The following GPR160 variants were observed in gnomAD, a reference collection of about 807,000 sequenced individuals.
GPR160 encodes the protein probable G protein-coupled receptor 160.
In GPR160, 2 loss-of-function variants were observed where a neutral mutation model predicts 2.6. The observed-to-expected ratio is 0.77, with a 90% confidence interval of 0.32 to 2.44. The LOEUF is 2.44. GPR160 is among the 30% of genes most tolerant of loss of function. GPR160 has a pLI of 0.11. For missense variants in GPR160, 351 were observed against 383.6 expected, an observed-to-expected ratio of 0.91 and a Z score of 0.71; for synonymous variants, 130 against 132.2, an observed-to-expected ratio of 0.98 and a Z score of 0.12.
chr3:170,070,984 A>G lies in GPR160; in HGVS notation c.-192-8790A>G, dbSNP rs576402176. Among the ~76,000 whole-genome samples the G allele has an allele frequency of 9.2e-5, 14 of 152,328 alleles. 1 individual carries two copies. Among genetic ancestry groups the G allele is most frequent in the African/African-American group, 3.1e-4 (13 of 41,576 alleles). On this transcript the variant is annotated intron_variant, in intron 2 of 3. Transcript: ENST00000355897. ...CCCAATCCAGATGTAGAACATTTTC[A>G]TCTCTACAGAACATTGCCTGGTTCA...
At chr3:170,050,697 C>G (rs7651554) in intron 2 of GPR160, among the ~76,000 whole-genome samples, 20,823 of 152,164 alleles carry the variant, frequency 0.14, 1,521 homozygotes, top group Middle Eastern at 0.18. Flanking sequence ...TAAGAGGAAT[C>G]TTGGGATATG....
chr3:170,058,862 A>G (rs1023101609), intron 2 of GPR160, among the ~76,000 whole-genome samples: 1 of 152,228 alleles, frequency 6.6e-6, no homozygotes, highest in African/African-American at 2.4e-5. Context: ...TGCAGCCATA[A>G]AAACAATTTT....
At chr3:170,064,306 G>A (rs1712174198) in intron 2 of GPR160, among the ~76,000 whole-genome samples, 1 of 152,154 alleles carries the variant, frequency 6.6e-6, no homozygotes, top group African/African-American at 2.4e-5. Context: ...TCGCAGCCAT[G>A]AGCTGGCGGG....
chr3:170,048,116 A>G (rs998177958), intron 2 of GPR160, among the ~76,000 whole-genome samples: 11 of 152,242 alleles, frequency 7.2e-5, no homozygotes, highest in African/African-American at 2.4e-4. Context: ...GGCGTGAGCC[A>G]CCATGCCCAT....
intron 3 of GPR160, chr3:170,083,648 A>T (rs1437975179): frequency 5.6e-6 from 1 of 178,290 alleles, no homozygotes; most frequent in Admixed American, 6.2e-5. Context: ...CTGTACTTAT[A>T]TATAGAAGTT....
intron 2 of GPR160, among the ~76,000 whole-genome samples, chr3:170,061,767 T>C (rs998725753): frequency 6.6e-6 from 1 of 152,156 alleles, no homozygotes; most frequent in African/African-American, 2.4e-5. Flanking sequence ...GCTTGTTCCA[T>C]ATTATAATTA....
At chr3:170,082,699 G>A (rs184390918) in intron 3 of GPR160, among the ~76,000 whole-genome samples, 68 of 152,064 alleles carry the variant, frequency 4.5e-4, no homozygotes, top group Non-Finnish European at 7.6e-4. Flanking sequence ...AGGCTCAAGC[G>A]ATCCTCTCAC....
chr3:170,077,299 T>A (rs980523807), intron 2 of GPR160: 1 of 152,126 alleles, frequency 6.6e-6, no homozygotes, highest in African/African-American at 2.4e-5. Context: ...CAACTGATTA[T>A]AAAAACACTT....
Position 170,084,287 on chromosome 3 carries a change from T to A in GPR160, c.315T>A (p.Tyr105Ter). Residue 105 changes from tyrosine to a stop codon, truncating the protein, a stop_gained, in exon 4 of 4, where the codon TAT becomes TAA. Coordinates refer to ENST00000355897, the MANE Select transcript of GPR160 (RefSeq NM_014373.3). LOFTEE classifies it low-confidence loss of function (END_TRUNC). ...CLFTQIISFT[Y>*]GFLHYPVFLT... ...TTACTCAAATTATTTCCTTTACTTA[T>A]GGCTTTTTGCATTATCCAGTTTTCC... The A allele has an allele frequency of 6.2e-7, 1 of 1,609,164 alleles. No homozygotes were observed. Among genetic ancestry groups the A allele is most frequent in the Non-Finnish European group, 8.5e-7 (1 of 1,176,152 alleles).
In GPR160 at chr3:170,045,861, C is replaced by T. The variant is rs147554549; in HGVS notation, c.-193+6818C>T. Among the ~76,000 whole-genome samples the T allele has an allele frequency of 3.2e-4, 48 of 152,286 alleles. No individual in the cohort carries two copies. The East Asian group carries it at 6.6e-3, about 21-fold the overall frequency. Reference sequence around the variant, plus strand: ...CCCTGGGTTTCATTTCTGGTTCTTCCACCACCTGTGTGACCTTGACTCATT... The same window carrying T: ...CCCTGGGTTTCATTTCTGGTTCTTCTACCACCTGTGTGACCTTGACTCATT... On this transcript the variant is annotated intron_variant, in intron 2 of 3. Coordinates refer to ENST00000355897, the MANE Select transcript of GPR160 (RefSeq NM_014373.3).
chr3:170,047,835 CTTTTTTT>C (rs1225615379), intron 2 of GPR160, among the ~76,000 whole-genome samples: 1 of 125,082 alleles, frequency 8.0e-6, no homozygotes, highest in East Asian at 2.3e-4. Flanking sequence ...GGACATTATT[CTTTTTTT>C]TTTTTTTTTT....
rs138442541 is a variant in GPR160 at position 170,084,488 on chromosome 3, T to A, written c.516T>A (p.Arg172=). 26 of 1,613,624 alleles carry A rather than the reference T, an allele frequency of 1.6e-5. No homozygotes were observed. The highest frequency in any genetic ancestry group is 2.1e-5 in the Non-Finnish European group (25 of 1,179,682). The part of the protein sequence containing the change: ...QSLKAQNAYS[R]HCPFYVSIQS... ...TGAAGGCACAGAATGCTTATTCTCG[T>A]CACTGTCCTTTCTATGTCAGCATTC... Residue 172 remains arginine, a synonymous_variant, in exon 4 of 4, where the codon CGT becomes CGA. Transcript: ENST00000355897.
intron 2 of GPR160, among the ~76,000 whole-genome samples, chr3:170,052,689 G>T (rs1717009769): frequency 6.6e-6 from 1 of 152,050 alleles, no homozygotes; most frequent in Non-Finnish European, 1.5e-5. Context: ...GTCTGTAATT[G>T]CCTTTTCATT....
chr3:170,066,201 C>T (rs1222266962), intron 2 of GPR160, among the ~76,000 whole-genome samples: 2 of 120,916 alleles, frequency 1.7e-5, no homozygotes, highest in Non-Finnish European at 3.2e-5. Flanking sequence ...AGTCCAGTGG[C>T]ACGATCTCGG....
At chr3:170,049,630 G>A (rs375363097) in intron 2 of GPR160, among the ~76,000 whole-genome samples, 4 of 152,260 alleles carry the variant, frequency 2.6e-5, no homozygotes, top group South Asian at 2.1e-4. Context: ...TGCCTCATTC[G>A]CATCACGCCT....
intron 3 of GPR160, among the ~76,000 whole-genome samples, chr3:170,082,202 C>T (rs756020688): frequency 2.0e-4 from 30 of 152,166 alleles, no homozygotes; most frequent in Non-Finnish European, 3.5e-4. Flanking sequence ...GTATTTCTTA[C>T]ATGACATGTT....
intron 2 of GPR160, among the ~76,000 whole-genome samples, chr3:170,073,881 ATTTT>A: frequency 1.2e-5 from 1 of 81,878 alleles, no homozygotes; most frequent in African/African-American, 4.7e-5. Context: ...TTTAATAGGG[ATTTT>A]TTTTTTTTTT....
chr3:170,049,108 G>T (rs1377048985), intron 2 of GPR160, among the ~76,000 whole-genome samples: 1 of 152,194 alleles, frequency 6.6e-6, no homozygotes, highest in Non-Finnish European at 1.5e-5. Flanking sequence ...GTAAGACCGT[G>T]TAAGGACAAG....
Position 170,083,984 on chromosome 3 carries a change from C to G in GPR160, c.12C>G (p.Leu4=), listed in dbSNP as rs1341378308. Residue 4 remains leucine, a synonymous_variant, in exon 4 of 4, where the codon CTC becomes CTG. Transcript: ENST00000355897. The stretch of plus-strand genomic sequence containing the variant: ...ATTTAACTAAAAATATGACTGCTCT[C>G]TCTTCAGAGAACTGCTCTTTTCAGT... MTA[L]SSENCSFQYQ... The G allele has an allele frequency of 6.8e-7, 1 of 1,472,984 alleles. No homozygotes were observed. The highest frequency in any genetic ancestry group is 1.5e-5 in the South Asian group (1 of 65,940). The allele number at this position is 1,472,984 out of a possible 1,614,324, so 91.2% of individuals were successfully genotyped here.
Sources: gnomAD v4.1 joint callset for allele counts (sites outside exome capture counted in the v4.1 genomes callset) on GRCh38, gnomAD v4.1.1 for gene constraint, MANE v1.5 for transcripts, NCBI Gene and HGNC (gene_info 2026-07-23, HGNC 2026-07-21) for gene names.